SLC25A23: variants seen among roughly 807,000 people sequenced by gnomAD.
SLC25A23 encodes mitochondrial adenyl nucleotide antiporter SLC25A23.
Under a neutral mutation model 53.9 loss-of-function variants are expected in SLC25A23, and 32 were observed. The observed-to-expected ratio is 0.59, with a 90% CI of 0.45 to 0.80. The LOEUF is 0.80. SLC25A23 is among the 30% of genes least tolerant of loss of function. The pLI is 0.00. For missense variants in SLC25A23, 575 were observed against 651.4 expected, an observed-to-expected ratio of 0.88 and a Z score of 1.28; for synonymous variants, 275 against 264.5, an observed-to-expected ratio of 1.04 and a Z score of -0.38.
intron 9 of SLC25A23, among the ~76,000 whole-genome samples, chr19:6,443,084 G>A (rs977021513): frequency 6.6e-6 from 1 of 151,086 alleles, no homozygotes; most frequent in Non-Finnish European, 1.5e-5. Flanking sequence ...GATTACAGGC[G>A]CCTGCTATCA....
At chr19:6,455,469 C>G (rs1018294404) in intron 4 of SLC25A23, among the ~76,000 whole-genome samples, 1 of 152,152 alleles carries the variant, frequency 6.6e-6, no homozygotes, top group East Asian at 1.9e-4. Flanking sequence ...ATGGAGTCCC[C>G]GTGCAGGAAT....
At position 6,459,344 on chromosome 19, in the gene SLC25A23, G is replaced by T. The variant is rs939108093; in HGVS notation, c.156+129C>A. 1.3e-6 allele frequency: 1 copy of T among 763,562 alleles called. No individual in the cohort carries two copies. The highest frequency in any genetic ancestry group is 1.9e-6 in the Non-Finnish European group (1 of 517,868). The allele number at this position is 763,562 out of a possible 1,614,324, so 47.3% of individuals were successfully genotyped here. A position where few individuals can be genotyped will look rare whatever the true frequency, so the allele number is the denominator to read the frequency against. On this transcript the variant is annotated intron_variant, in intron 1 of 9. Coordinates refer to ENST00000301454, the MANE Select transcript of SLC25A23 (RefSeq NM_024103.3). This position sits in a 1 kb window ranked among gnomAD's most constrained non-coding sequence, Gnocchi z 4.6. ...AAACACGAGTGGGTAGGGGGAACGA[G>T]ACAGAGACACAGGTTCTGGAGTCCA...
At position 6,454,703 on chromosome 19, in the gene SLC25A23, G is replaced by A. The variant is rs1323035792; in HGVS notation, c.498C>T (p.Gly166=). The A allele has an allele frequency of 5.0e-6, 8 of 1,613,838 alleles. No individual in the cohort carries two copies. Among genetic ancestry groups the A allele is most frequent in the African/African-American group, 2.7e-5 (2 of 74,940 alleles). ...FWKHSTVLDI[G]ECLTVPDEFS... ...ACTCGTCCGGCACTGTCAGGCACTC[G>A]CCAATGTCCAGGACCTAAAGATACA... Residue 166 remains glycine (G), a synonymous_variant, in exon 5 of 10, where the codon GGC becomes GGT. Transcript: ENST00000301454. This position sits in a 1 kb window ranked among gnomAD's most constrained non-coding sequence, Gnocchi z 4.3.
chr19:6,450,938 C>A (rs1039066811), intron 8 of SLC25A23, among the ~76,000 whole-genome samples: 1 of 151,254 alleles, frequency 6.6e-6, no homozygotes, highest in Non-Finnish European at 1.5e-5. Context: ...ATTAGCCAGG[C>A]GTGGTGGCAG....
downstream of SLC25A23, among the ~76,000 whole-genome samples, chr19:6,437,488 C>T (rs912040535): frequency 7.2e-5 from 11 of 152,044 alleles, no homozygotes; most frequent in Non-Finnish European, 1.5e-4. Context: ...GGGGGGGTTG[C>T]CCTAATCCGA....
rs758938724 is a variant in SLC25A23 at position 6,454,119 on chromosome 19, ACCATGGGGGTTGAACCTT to A, written c.796-49_796-32del. The A allele has an allele frequency of 2.8e-5, 44 of 1,594,752 alleles. No homozygotes were observed. The East Asian group carries it at 9.8e-4, about 36-fold the overall frequency. On this transcript the variant is annotated intron_variant, in intron 6 of 9. Transcript: ENST00000301454. This position sits in a 1 kb window ranked among gnomAD's most constrained non-coding sequence, Gnocchi z 4.3. Reference sequence around the variant, plus strand: ...GCGGGGAGACACAGGGATGGGTAGGACCATGGGGGTTGAACCTTCCTTGCACTCCACTGTTCTCCTGGC... The same window carrying A: ...GCGGGGAGACACAGGGATGGGTAGGACCTTGCACTCCACTGTTCTCCTGGC...
At chr19:6,443,474 C>G in intron 9 of SLC25A23, 1 of 617,210 alleles carries the variant, frequency 1.6e-6, no homozygotes. Context: ...ATGATCCTTC[C>G]TCTTTGGCCT....
intron 9 of SLC25A23, among the ~76,000 whole-genome samples, chr19:6,442,815 T>A (rs2144788558): frequency 6.6e-6 from 1 of 152,146 alleles, no homozygotes; most frequent in East Asian, 1.9e-4. Context: ...CCTCCCAAAG[T>A]GCTGGGATTA....
At position 6,454,347 on chromosome 19, in the gene SLC25A23, A is replaced by G. The variant is rs2092642689; in HGVS notation, c.771T>C (p.Ala257=). The G allele has an allele frequency of 2.5e-6, 4 of 1,614,088 alleles. No individual in the cohort carries two copies. Among genetic ancestry groups the G allele is most frequent in the Non-Finnish European group, 3.4e-6 (4 of 1,179,978 alleles). ...CCTGTTCATAGGCCATGAACTTGAT[A>G]GCTGACTCGGGGGCAATCTTGAGTA... ...INVLKIAPES[A]IKFMAYEQIK... Residue 257 remains alanine, a synonymous_variant, in exon 6 of 10, where the codon GCT becomes GCC. Transcript: ENST00000301454. This position sits in a 1 kb window ranked among gnomAD's most constrained non-coding sequence, Gnocchi z 4.3.
rs2092649481 is a variant in SLC25A23, at chr19:6,454,619, C to T, written c.582G>A (p.Val194=). 2.5e-6 allele frequency: 4 copies of T among 1,613,984 alleles called. No homozygotes were observed. Among genetic ancestry groups the T allele is most frequent in the Non-Finnish European group, 3.4e-6 (4 of 1,180,026 alleles). ...MWWKQLVAGA[V]AGAVSRTGTA... is the part of the protein sequence containing the mutation. ...TGCCTGTCCGTGACACGGCACCTGCCACTGCGCCGGCCACCAGCTGTTTCC... is the reference window on the plus strand; with the variant it reads ...TGCCTGTCCGTGACACGGCACCTGCTACTGCGCCGGCCACCAGCTGTTTCC... Residue 194 remains valine, a synonymous_variant, in exon 5 of 10, where the codon GTG becomes GTA. Transcript: ENST00000301454. This position sits in a 1 kb window ranked among gnomAD's most constrained non-coding sequence, Gnocchi z 4.3.
At chr19:6,453,693 C>A (rs1033022202) in intron 7 of SLC25A23, among the ~76,000 whole-genome samples, 1 of 152,160 alleles carries the variant, frequency 6.6e-6, no homozygotes, top group African/African-American at 2.4e-5. Flanking sequence ...GACACGACGT[C>A]CCTGGGAACG....
downstream of SLC25A23, among the ~76,000 whole-genome samples, chr19:6,436,795 G>A (rs547024982): frequency 4.5e-4 from 67 of 150,356 alleles, no homozygotes; most frequent in African/African-American, 1.5e-3. Flanking sequence ...TGATTCACCC[G>A]CCTCGGCCTC....
chr19:6,453,164 C>T (rs193207160), intron 7 of SLC25A23, among the ~76,000 whole-genome samples: 1 of 152,104 alleles, frequency 6.6e-6, no homozygotes, highest in Admixed American at 6.6e-5. Context: ...ACAGAAAGAA[C>T]CTGCATCGCT....
intron 8 of SLC25A23, among the ~76,000 whole-genome samples, chr19:6,448,999 G>C (rs1011663735): frequency 6.6e-6 from 1 of 151,516 alleles, no homozygotes; most frequent in African/African-American, 2.4e-5. Context: ...ACTCCAGCCT[G>C]GGTGACAGAG....
intron 8 of SLC25A23, among the ~76,000 whole-genome samples, chr19:6,450,874 G>A (rs1216709124): frequency 6.6e-6 from 1 of 152,144 alleles, no homozygotes; most frequent in African/African-American, 2.4e-5. Context: ...AAGGTCAGGA[G>A]TTTGAGACCA....
intron 2 of SLC25A23, among the ~76,000 whole-genome samples, chr19:6,457,949 C>A (rs1338851452): frequency 2.0e-5 from 3 of 152,108 alleles, no homozygotes; most frequent in Non-Finnish European, 2.9e-5. Context: ...GGTATCTTTG[C>A]CCCATAGAAA....
chr19:6,459,445 G>A lies in SLC25A23; in HGVS notation c.156+28C>T. The A allele has an allele frequency of 4.5e-6, 7 of 1,568,730 alleles. No homozygotes were observed. The highest frequency in any genetic ancestry group is 6.0e-6 in the Non-Finnish European group (7 of 1,164,770). ...AACCGGGAGCGGGCGGGGCCGGGAGGGGAGGAGGTCCCTGGGGGTGGGGGT... is the reference window on the plus strand; with the variant it reads ...AACCGGGAGCGGGCGGGGCCGGGAGAGGAGGAGGTCCCTGGGGGTGGGGGT... On this transcript the variant is annotated intron_variant, in intron 1 of 9. Transcript: ENST00000301454. The surrounding 1 kb of genome is among the most constrained non-coding windows in gnomAD (Gnocchi z 4.6).
At position 6,459,712 on chromosome 19, in the gene SLC25A23, C is replaced by G. The variant is rs1404101032; in HGVS notation, c.-84G>C. On this transcript the variant is annotated 5_prime_UTR_variant, in exon 1 of 10. Transcript: ENST00000301454. This position sits in a 1 kb window ranked among gnomAD's most constrained non-coding sequence, Gnocchi z 4.6. Reference sequence around the variant, plus strand: ...GGCTCCCCCTCCCCCCCCGGGACCCCGCAGGGTCAGCTCCCGCGGCCGCCG... The same window carrying G: ...GGCTCCCCCTCCCCCCCCGGGACCCGGCAGGGTCAGCTCCCGCGGCCGCCG... 1.7e-6 allele frequency: 2 copies of G among 1,159,490 alleles called. No homozygotes were observed. Among genetic ancestry groups the G allele is most frequent in the Admixed American group, 8.9e-5 (2 of 22,526 alleles). The allele number at this position is 1,159,490 out of a possible 1,614,324, so 71.8% of individuals were successfully genotyped here. A position where few individuals can be genotyped will look rare whatever the true frequency, so the allele number is the denominator to read the frequency against.
downstream of SLC25A23, among the ~76,000 whole-genome samples, chr19:6,437,698 A>G (rs370350456): frequency 1.2e-3 from 177 of 151,724 alleles, 2 homozygotes; most frequent in East Asian, 0.034. Flanking sequence ...AGTCCCAGCT[A>G]CTTGGGAGGC....
Sources: allele counts gnomAD v4.1 joint callset (sites outside exome capture counted in the v4.1 genomes callset), GRCh38; gene constraint gnomAD v4.1.1; non-coding constraint Gnocchi (gnomAD v3.1); transcripts MANE v1.5; gene names NCBI Gene and HGNC (gene_info 2026-07-23, HGNC 2026-07-21).